The following AP3S1 variants were observed in gnomAD, a reference collection of about 807,000 sequenced individuals.
AP3S1 encodes AP-3 complex subunit sigma-1.
Under a neutral mutation model 21.3 loss-of-function variants are expected in AP3S1, and 12 were observed. The ratio of observed to expected loss-of-function variants is 0.56; its 90% CI spans 0.36 to 0.91. The LOEUF is 0.91. AP3S1 is among the 40% of genes least tolerant of loss of function. The pLI is 0.01. For synonymous variants in AP3S1, 48 were observed against 78.4 expected, an observed-to-expected ratio of 0.61 and a Z score of 2.05; for missense variants, 116 against 225.0, an observed-to-expected ratio of 0.52 and a Z score of 3.10.
At chr5:115,845,907 G>A (rs1013044939) in intron 1 of AP3S1, among the ~76,000 whole-genome samples, 14 of 129,170 alleles carry the variant, frequency 1.1e-4, no homozygotes, top group African/African-American at 1.4e-4. Context: ...ATCCCTTTTC[G>A]TTTTTGCCTT....
intron 3 of AP3S1, among the ~76,000 whole-genome samples, chr5:115,880,366 TTTAGCTGTGTCCCAGAAATTCTGG>T (rs1749167509): frequency 1.3e-5 from 2 of 152,226 alleles, no homozygotes; most frequent in African/African-American, 4.8e-5. Flanking sequence ...GAAACACTGC[TTTAGCTGTGTCCCAGAAATTCTGG>T]TACATTGTAT....
At chr5:115,868,711 A>G (rs1308949981) in intron 2 of AP3S1, among the ~76,000 whole-genome samples, 2 of 151,712 alleles carry the variant, frequency 1.3e-5, no homozygotes, top group Non-Finnish European at 2.9e-5. Flanking sequence ...GTGAAACCCC[A>G]TCTCTACTAA....
At chr5:115,851,873 G>A (rs1245747195) in intron 1 of AP3S1, among the ~76,000 whole-genome samples, 1 of 151,694 alleles carries the variant, frequency 6.6e-6, no homozygotes, top group East Asian at 1.9e-4. Context: ...CTTGCTTTTG[G>A]TATCATACCC....
At chr5:115,911,476 A>G (rs1321728971) in intron 5 of AP3S1, among the ~76,000 whole-genome samples, 1 of 152,024 alleles carries the variant, frequency 6.6e-6, no homozygotes, top group Non-Finnish European at 1.5e-5. Flanking sequence ...GGAAATTCCT[A>G]AGTAAAAATA....
chr5:115,853,748 C>A (rs529175336), intron 1 of AP3S1, among the ~76,000 whole-genome samples: 1 of 152,262 alleles, frequency 6.6e-6, no homozygotes, highest in African/African-American at 2.4e-5. Context: ...GTACTTTACT[C>A]CAAGGTTTCC....
intron 4 of AP3S1, 146 bp from the exon 5 acceptor site, chr5:115,902,739 A>G (rs1280531246): frequency 1.9e-6 from 1 of 539,392 alleles, no homozygotes; most frequent in Non-Finnish European, 3.3e-6. Context: ...GTAGTGATGA[A>G]AGTGGATTAT....
chr5:115,845,778 A>G (rs1049562675), intron 1 of AP3S1, among the ~76,000 whole-genome samples: 4 of 135,516 alleles, frequency 3.0e-5, no homozygotes, highest in Non-Finnish European at 3.1e-5. Flanking sequence ...TGGAGAATGC[A>G]GTGAGCTGAG....
intron 1 of AP3S1, 58 bp downstream of exon 1, chr5:115,842,164 C>T (rs1413813164): frequency 8.6e-6 from 13 of 1,516,638 alleles, no homozygotes; most frequent in East Asian, 2.7e-5. Context: ...ACGGGCAGCG[C>T]CCAGCGCGGC....
At chr5:115,863,724 C>G (rs1440476553) in intron 1 of AP3S1, among the ~76,000 whole-genome samples, 1 of 152,096 alleles carries the variant, frequency 6.6e-6, no homozygotes, top group Non-Finnish European at 1.5e-5. Flanking sequence ...AAAGGCATAT[C>G]TATAGAATAT....
At chr5:115,882,204 A>C (rs1012431914) in intron 3 of AP3S1, among the ~76,000 whole-genome samples, 2 of 152,018 alleles carry the variant, frequency 1.3e-5, no homozygotes, top group South Asian at 4.1e-4. Flanking sequence ...ACTTCTGTCA[A>C]TTCATCAAAC....
intron 5 of AP3S1, among the ~76,000 whole-genome samples, chr5:115,910,267 A>G (rs1049318932): frequency 1.2e-5 from 1 of 83,360 alleles, no homozygotes; most frequent in Non-Finnish European, 2.4e-5. Context: ...CTGTCTCTTA[A>G]AAAAAAAAAA....
intron 3 of AP3S1, among the ~76,000 whole-genome samples, chr5:115,888,465 C>G (rs1749988123): frequency 6.6e-6 from 1 of 151,916 alleles, no homozygotes; most frequent in African/African-American, 2.4e-5. Context: ...ATAATTTTTG[C>G]TAAATCAAAA....
At chr5:115,853,125 A>T (rs1308510648) in intron 1 of AP3S1, 1 of 388,534 alleles carries the variant, frequency 2.6e-6, no homozygotes, top group African/African-American at 2.1e-5. Flanking sequence ...TTCATATCCT[A>T]ACCAACTCTT....
intron 4 of AP3S1, among the ~76,000 whole-genome samples, chr5:115,901,392 CT>C (rs35793318): frequency 0.38 from 41,882 of 111,642 alleles, 6,618 homozygotes; most frequent in Admixed American, 0.47. Context: ...TGCCTATATT[CT>C]TTTTTTTTTT....
At chr5:115,871,183 A>G (rs1475750309) in intron 3 of AP3S1, among the ~76,000 whole-genome samples, 1 of 152,196 alleles carries the variant, frequency 6.6e-6, no homozygotes, top group Non-Finnish European at 1.5e-5. Context: ...TTTGATATAC[A>G]AGCATGCTTA....
At chr5:115,857,809 G>T (rs1762904838) in intron 1 of AP3S1, among the ~76,000 whole-genome samples, 1 of 152,096 alleles carries the variant, frequency 6.6e-6, no homozygotes, top group African/African-American at 2.4e-5. Context: ...CATAATTTTG[G>T]TTAGATCAGT....
At chr5:115,892,813 A>G (rs1002733045) in intron 3 of AP3S1, among the ~76,000 whole-genome samples, 4 of 152,228 alleles carry the variant, frequency 2.6e-5, no homozygotes, top group East Asian at 1.9e-4. Context: ...GTAAAAATGT[A>G]TAATTGGATT....
At chr5:115,907,828 TC>T (rs769630209) in intron 5 of AP3S1, among the ~76,000 whole-genome samples, 14 of 152,178 alleles carry the variant, frequency 9.2e-5, no homozygotes, top group Non-Finnish European at 1.8e-4. Context: ...TTTTAAAAGT[TC>T]CATGTACGTG....
At chr5:115,884,422 G>A (rs1364421765) in intron 3 of AP3S1, among the ~76,000 whole-genome samples, 13 of 152,084 alleles carry the variant, frequency 8.5e-5, no homozygotes, top group Non-Finnish European at 1.3e-4. Flanking sequence ...AAAATTAGCC[G>A]GGCATGGTGG....
Sources: gnomAD v4.1 joint callset for allele counts (sites outside exome capture counted in the v4.1 genomes callset) on GRCh38, gnomAD v4.1.1 for gene constraint, MANE v1.5 for transcripts, NCBI Gene and HGNC (gene_info 2026-07-23, HGNC 2026-07-21) for gene names.